The following DNM3 variants were observed in gnomAD, a reference collection of about 807,000 sequenced individuals.
The protein encoded by DNM3 is dynamin-3.
Under a neutral mutation model 101.6 loss-of-function variants are expected in DNM3, and 47 were observed. The observed-to-expected ratio is 0.46, with a 90% CI of 0.37 to 0.59. DNM3 has a LOEUF of 0.59. Ranked by LOEUF, DNM3 falls within the 20% of genes least tolerant of loss-of-function variation. The pLI is 0.00. For synonymous variants in DNM3, 385 were observed against 387.9 expected, an observed-to-expected ratio of 0.99 and a Z score of 0.09; for missense variants, 849 against 1,085.7, an observed-to-expected ratio of 0.78 and a Z score of 3.06.
chr1:172,134,632 A>T (rs2057118433), intron 14 of DNM3, among the ~76,000 whole-genome samples: 1 of 152,162 alleles, frequency 6.6e-6, no homozygotes, highest in Non-Finnish European at 1.5e-5. Flanking sequence ...TTAGCAAGGA[A>T]TTCATGGTAC....
chr1:171,871,183 C>G (rs1417196608), intron 1 of DNM3, among the ~76,000 whole-genome samples: 2 of 152,220 alleles, frequency 1.3e-5, no homozygotes, highest in Non-Finnish European at 2.9e-5. Context: ...ACATGATGTG[C>G]AATTATGTAT....
rs139163786 is a variant in DNM3 at position 171,987,177 on chromosome 1, A to G, written c.236-479A>G. 838 of 357,042 alleles carry G rather than the reference A, an allele frequency of 2.3e-3. 2 individuals carry two copies. The highest frequency in any genetic ancestry group is 8.3e-3 in the African/African-American group (375 of 45,254). 22.1% of individuals were successfully genotyped at this position (357,042 alleles called of 1,614,324 possible). A position where few individuals can be genotyped will look rare whatever the true frequency, so the allele number is the denominator to read the frequency against. ...GTTTTTAAGCTAAAGGATTCCATAT[A>G]TTATTTATTTTTAACAAATTAAATG... is the stretch of plus-strand genomic sequence containing the variant. On this transcript the variant is annotated intron_variant, in intron 2 of 20. Coordinates refer to ENST00000627582, the MANE Select transcript of DNM3 (RefSeq NM_015569.5).
At chr1:172,413,532 T>TC (rs1208342270), downstream of DNM3, among the ~76,000 whole-genome samples, 1 of 152,174 alleles carries the variant, frequency 6.6e-6, no homozygotes. Flanking sequence ...CGGCCCAGTT[T>TC]CCCCAGTTTT....
chr1:171,866,721 T>C (rs1239763529), intron 1 of DNM3, among the ~76,000 whole-genome samples: 1 of 152,228 alleles, frequency 6.6e-6, no homozygotes, highest in Non-Finnish European at 1.5e-5. Flanking sequence ...ACTTTTCAAA[T>C]AGAATGTGTG....
chr1:172,071,117 A>ATATC (rs1553362094), intron 11 of DNM3, among the ~76,000 whole-genome samples: 10 of 131,686 alleles, frequency 7.6e-5, no homozygotes, highest in South Asian at 2.4e-4. Flanking sequence ...ATATATATAT[A>ATATC]TATCTTAGTT....
At chr1:171,923,905 G>A (rs1454695255) in intron 2 of DNM3, among the ~76,000 whole-genome samples, 1 of 152,046 alleles carries the variant, frequency 6.6e-6, no homozygotes, top group Non-Finnish European at 1.5e-5. Context: ...CCACTGTTTA[G>A]TTCACACTTG....
intron 20 of DNM3, among the ~76,000 whole-genome samples, chr1:172,400,286 G>T (rs1401647268): frequency 1.3e-5 from 2 of 152,024 alleles, no homozygotes; most frequent in Non-Finnish European, 2.9e-5. Flanking sequence ...TGGGAGTGAC[G>T]AGAAGGGTCA....
chr1:172,233,589 A>T lies in DNM3; in HGVS notation c.1660-19984A>T, dbSNP rs568353595. 6.3e-4 allele frequency among the ~76,000 whole-genome samples: 96 copies of T among 152,334 alleles called. 2 individuals carry two copies. Among genetic ancestry groups the T allele is most frequent in the South Asian group, 1.9e-3 (9 of 4,810 alleles). On this transcript the variant is annotated intron_variant, in intron 14 of 20. Transcript: ENST00000627582. ...AAAGCCTGGCAGAGACACAACAAAAAAAGAGAATTTTAGACCAATATCCCT... is the reference window on the plus strand; with the variant it reads ...AAAGCCTGGCAGAGACACAACAAAATAAGAGAATTTTAGACCAATATCCCT...
intron 8 of DNM3, among the ~76,000 whole-genome samples, 183 bp downstream of exon 8, chr1:172,042,327 A>G (rs1039285415): frequency 6.6e-6 from 1 of 152,116 alleles, no homozygotes; most frequent in Non-Finnish European, 1.5e-5. Context: ...GATTTTATTT[A>G]ATGAGATTTA....
intron 14 of DNM3, among the ~76,000 whole-genome samples, chr1:172,173,767 T>A (rs1049965032): frequency 6.6e-6 from 1 of 151,796 alleles, no homozygotes; most frequent in Admixed American, 6.6e-5. Flanking sequence ...ATTCTTAGCA[T>A]TAATGTTTGC....
chr1:172,059,709 G>A (rs1469139553), intron 10 of DNM3, among the ~76,000 whole-genome samples: 1 of 131,922 alleles, frequency 7.6e-6, no homozygotes, highest in Non-Finnish European at 1.6e-5. Flanking sequence ...AATAATAAGA[G>A]CTATCTATGA....
intron 13 of DNM3, among the ~76,000 whole-genome samples, chr1:172,109,837 C>T (rs1003008588): frequency 6.6e-6 from 1 of 152,146 alleles, no homozygotes; most frequent in Non-Finnish European, 1.5e-5. Flanking sequence ...TCTTGAGTTA[C>T]AGCCAATTTT....
intron 14 of DNM3, among the ~76,000 whole-genome samples, chr1:172,135,565 T>A (rs2057176285): frequency 6.6e-6 from 1 of 152,148 alleles, no homozygotes; most frequent in African/African-American, 2.4e-5. Context: ...CTTCCTGGAT[T>A]GAAAATCATT....
At chr1:172,103,009 A>G (rs909816609) in intron 13 of DNM3, among the ~76,000 whole-genome samples, 2 of 152,222 alleles carry the variant, frequency 1.3e-5, no homozygotes, top group Non-Finnish European at 2.9e-5. Flanking sequence ...TCCAAAGTAC[A>G]TAATTTTGAA....
chr1:172,182,416 C>A (rs1190238304), intron 14 of DNM3, among the ~76,000 whole-genome samples: 1 of 152,012 alleles, frequency 6.6e-6, no homozygotes, highest in Non-Finnish European at 1.5e-5. Flanking sequence ...TCATTACATA[C>A]CTTAAATGGT....
At chr1:171,903,008 C>T (rs1008872553) in intron 1 of DNM3, among the ~76,000 whole-genome samples, 2 of 151,908 alleles carry the variant, frequency 1.3e-5, no homozygotes, top group Admixed American at 6.6e-5. Context: ...AACAAAGTAT[C>T]CAGGCATGGT....
chr1:172,219,333 G>T (rs1241198924), intron 14 of DNM3, among the ~76,000 whole-genome samples: 1 of 125,108 alleles, frequency 8.0e-6, no homozygotes, highest in Non-Finnish European at 1.6e-5. Context: ...CTGCACTGCA[G>T]TATCACTGCA....
intron 16 of DNM3, chr1:172,311,117 C>A (rs1169005757): frequency 6.6e-6 from 1 of 152,068 alleles, no homozygotes; most frequent in Non-Finnish European, 1.5e-5. Context: ...AGGGCAGGTA[C>A]AAGTAAGCAC....
At chr1:172,233,667 C>T (rs1207190514) in intron 14 of DNM3, among the ~76,000 whole-genome samples, 1 of 152,174 alleles carries the variant, frequency 6.6e-6, no homozygotes, top group Non-Finnish European at 1.5e-5. Flanking sequence ...CTGAATCCAG[C>T]AACACATCAA....
Sources: gnomAD v4.1 joint callset for allele counts (sites outside exome capture counted in the v4.1 genomes callset) on GRCh38, gnomAD v4.1.1 for gene constraint, MANE v1.5 for transcripts, NCBI Gene and HGNC (gene_info 2026-07-23, HGNC 2026-07-21) for gene names.